The following SLC41A2 variants were observed in gnomAD, a reference collection of about 807,000 sequenced individuals.
SLC41A2 encodes SLC41A1-like 1.
In SLC41A2, 32 loss-of-function variants were observed where a neutral mutation model predicts 58.3. The ratio of observed to expected loss-of-function variants is 0.55; its 90% CI spans 0.41 to 0.74. The LOEUF is 0.74. Among genes scored for constraint, SLC41A2 ranks in the 30% least tolerant of loss-of-function variants. The probability of loss-of-function intolerance (pLI) is 0.00; values close to 1 mark genes in which losing one functional copy is unlikely to be tolerated. For missense variants in SLC41A2, 514 were observed against 680.6 expected, an observed-to-expected ratio of 0.76 and a Z score of 2.72; for synonymous variants, 190 against 235.0, an observed-to-expected ratio of 0.81 and a Z score of 1.75.
chr12:104,852,822 C>A (rs945279720), intron 8 of SLC41A2, among the ~76,000 whole-genome samples: 4 of 152,072 alleles, frequency 2.6e-5, no homozygotes, highest in Non-Finnish European at 5.9e-5. Flanking sequence ...AAAATTATTA[C>A]CTTAGAATAG....
intron 1 of SLC41A2, among the ~76,000 whole-genome samples, chr12:104,946,603 T>A (rs1387872124): frequency 6.6e-6 from 1 of 152,192 alleles, no homozygotes; most frequent in Non-Finnish European, 1.5e-5. Context: ...GAATACTAAC[T>A]GCTTATTTAA....
intron 1 of SLC41A2, among the ~76,000 whole-genome samples, chr12:104,947,226 CAG>C (rs2047759314): frequency 1.2e-5 from 1 of 80,556 alleles, no homozygotes; most frequent in African/African-American, 4.9e-5. Flanking sequence ...TTTTTTGAGA[CAG>C]AGTTTCATTC....
intron 6 of SLC41A2, among the ~76,000 whole-genome samples, chr12:104,875,458 C>A (rs924405691): frequency 2.0e-5 from 3 of 152,022 alleles, no homozygotes; most frequent in African/African-American, 7.2e-5. Flanking sequence ...CTTGTGGTGT[C>A]TTTGTCTGGA....
chr12:104,824,506 C>A (rs2041767187), intron 10 of SLC41A2, among the ~76,000 whole-genome samples: 1 of 152,152 alleles, frequency 6.6e-6, no homozygotes, highest in South Asian at 2.1e-4. Flanking sequence ...TACTTTCACT[C>A]AATAAAACCT....
rs79236956 is a variant in SLC41A2, at chr12:104,851,241, G to A, written c.1256-5267C>T. ...CTGACTTGGCATTTTCTTAATTATA[G>A]ATCCTGACATTTTCTGGAGAATTCA... On this transcript the variant is annotated intron_variant, in intron 8 of 10. Coordinates refer to ENST00000258538, the MANE Select transcript of SLC41A2 (RefSeq NM_001352171.3). 8.7e-3 allele frequency among the ~76,000 whole-genome samples: 1,324 copies of A among 152,162 alleles called. 36 individuals are homozygous for A. In the East Asian group the frequency reaches 0.12, roughly 14 times the overall value.
intron 1 of SLC41A2, among the ~76,000 whole-genome samples, chr12:104,933,905 ACTG>A (rs2047163796): frequency 6.6e-6 from 1 of 152,060 alleles, no homozygotes; most frequent in Non-Finnish European, 1.5e-5. Flanking sequence ...TATAATGGAC[ACTG>A]GAGACTCAGA....
At chr12:104,867,106 T>C (rs1282739474) in intron 6 of SLC41A2, among the ~76,000 whole-genome samples, 1 of 152,130 alleles carries the variant, frequency 6.6e-6, no homozygotes, top group African/African-American at 2.4e-5. Context: ...GATATTATTT[T>C]TGTCCATAGG....
chr12:104,874,309 C>T (rs1476441405), intron 6 of SLC41A2, among the ~76,000 whole-genome samples: 1 of 152,022 alleles, frequency 6.6e-6, no homozygotes, highest in Non-Finnish European at 1.5e-5. Flanking sequence ...CTCCTGACCT[C>T]GTGATCCACC....
intron 1 of SLC41A2, among the ~76,000 whole-genome samples, chr12:104,940,912 G>C (rs765468285): frequency 2.7e-4 from 37 of 138,134 alleles, no homozygotes; most frequent in Non-Finnish European, 5.2e-4. Flanking sequence ...CTGCCTCCGA[G>C]TGACAGAGCA....
chr12:104,845,244 T>C (rs2042561714), intron 9 of SLC41A2, among the ~76,000 whole-genome samples: 1 of 152,156 alleles, frequency 6.6e-6, no homozygotes, highest in Admixed American at 6.6e-5. Context: ...TGAGCTGTGA[T>C]GGTACCACTA....
chr12:104,942,886 T>C (rs774503698), intron 1 of SLC41A2, among the ~76,000 whole-genome samples: 2 of 152,242 alleles, frequency 1.3e-5, no homozygotes, highest in Non-Finnish European at 2.9e-5. Context: ...CTTATAAATC[T>C]GAAATAGCTA....
intron 1 of SLC41A2, among the ~76,000 whole-genome samples, chr12:104,932,161 C>T (rs1046947557): frequency 5.9e-5 from 9 of 152,110 alleles, no homozygotes; most frequent in African/African-American, 1.9e-4. Context: ...TTGACAAGGT[C>T]TATTATCTCC....
intron 1 of SLC41A2, among the ~76,000 whole-genome samples, chr12:104,938,003 C>A (rs940527774): frequency 2.0e-5 from 3 of 152,142 alleles, no homozygotes; most frequent in African/African-American, 7.2e-5. Context: ...GCATGTGCCC[C>A]ACAGTCCAGC....
intron 7 of SLC41A2, among the ~76,000 whole-genome samples, chr12:104,863,200 G>A (rs2043275917): frequency 6.6e-6 from 1 of 152,210 alleles, no homozygotes; most frequent in Non-Finnish European, 1.5e-5. Flanking sequence ...CACTCCGGGA[G>A]GCCGAAGTGA....
At chr12:104,820,351 T>C (rs976714191) in intron 10 of SLC41A2, among the ~76,000 whole-genome samples, 1 of 152,194 alleles carries the variant, frequency 6.6e-6, no homozygotes, top group Non-Finnish European at 1.5e-5. Context: ...TAGTTCTAGC[T>C]ACTCAGGAGG....
At chr12:104,857,361 G>A (rs1466421493) in intron 8 of SLC41A2, among the ~76,000 whole-genome samples, 6 of 152,074 alleles carry the variant, frequency 3.9e-5, no homozygotes, top group Admixed American at 2.0e-4. Flanking sequence ...AAGAAATCCC[G>A]TAGTAGGATG....
Position 104,803,318 on chromosome 12 carries a change from T to C in SLC41A2, c.*1834A>G, listed in dbSNP as rs2040763138. On this transcript the variant is annotated 3_prime_UTR_variant, in exon 11 of 11. Coordinates refer to ENST00000258538, the MANE Select transcript of SLC41A2 (RefSeq NM_001352171.3). ...CAACTTAAACTTATTCTTTCTTTTATAAGAATGTTCACTATGTAACATTAT... is the reference window on the plus strand; with the variant it reads ...CAACTTAAACTTATTCTTTCTTTTACAAGAATGTTCACTATGTAACATTAT... 2 of 150,854 alleles carry C rather than the reference T, an allele frequency of 1.3e-5. No homozygotes were observed. The highest frequency in any genetic ancestry group is 2.9e-5 in the Non-Finnish European group (2 of 68,008). 9.3% of individuals were successfully genotyped at this position (150,854 alleles called of 1,614,324 possible). A position where few individuals can be genotyped will look rare whatever the true frequency, so the allele number is the denominator to read the frequency against.
chr12:104,885,541 A>G (rs2044614215), intron 6 of SLC41A2, among the ~76,000 whole-genome samples: 1 of 152,132 alleles, frequency 6.6e-6, no homozygotes, highest in African/African-American at 2.4e-5. Context: ...TTATATACTC[A>G]TGTTTTTTTC....
intron 6 of SLC41A2, among the ~76,000 whole-genome samples, chr12:104,884,551 C>T (rs1033687733): frequency 6.6e-6 from 1 of 152,214 alleles, no homozygotes; most frequent in African/African-American, 2.4e-5. Flanking sequence ...TACCCCCACC[C>T]TCTATGTTCC....
Sources: gnomAD v4.1 joint callset for allele counts (sites outside exome capture counted in the v4.1 genomes callset) on GRCh38, gnomAD v4.1.1 for gene constraint, MANE v1.5 for transcripts, NCBI Gene and HGNC (gene_info 2026-07-23, HGNC 2026-07-21) for gene names.